The following RAB27B variants were observed in gnomAD, a reference collection of about 807,000 sequenced individuals.
RAB27B encodes the protein RAB27B, member RAS oncogene family, also known as ras-related protein Rab-27B.
A neutral mutation model predicts 24.6 loss-of-function variants in RAB27B; 15 were observed. The ratio of observed to expected loss-of-function variants is 0.61; its 90% CI spans 0.41 to 0.94. RAB27B has a LOEUF of 0.94. RAB27B is among the 40% of genes least tolerant of loss of function. The pLI is 0.00. For missense variants in RAB27B, 261 were observed against 266.8 expected (o/e 0.98, Z 0.15); for synonymous variants, 105 against 92.5 (o/e 1.14, Z -0.78).
intron 2 of RAB27B, among the ~76,000 whole-genome samples, chr18:54,764,403 C>A (rs539847074): frequency 2.0e-5 from 3 of 152,282 alleles, no homozygotes; most frequent in Non-Finnish European, 4.4e-5. Context: ...AAAGTCTTAG[C>A]CATACTCCAT....
At chr18:54,787,559 A>T (rs1379804633) in intron 2 of RAB27B, among the ~76,000 whole-genome samples, 1 of 152,090 alleles carries the variant, frequency 6.6e-6, no homozygotes, top group Non-Finnish European at 1.5e-5. Context: ...AGAAAATTTG[A>T]CTTCTCAGCC....
intron 1 of RAB27B, among the ~76,000 whole-genome samples, chr18:54,863,700 C>T (rs142143333): frequency 1.6e-4 from 25 of 152,246 alleles, no homozygotes; most frequent in South Asian, 1.0e-3. Flanking sequence ...CTGGCAAAAG[C>T]GCCTATACAC....
intron 2 of RAB27B, among the ~76,000 whole-genome samples, chr18:54,754,791 C>T (rs1391569480): frequency 6.6e-6 from 1 of 152,174 alleles, no homozygotes; most frequent in Non-Finnish European, 1.5e-5. Context: ...AGTATTGGGA[C>T]ATCTGGACTT....
In RAB27B at chr18:54,874,708, A is replaced by T. The variant is rs189921625; in HGVS notation, c.-19-2859A>T. Among the ~76,000 whole-genome samples, 64 of 152,366 alleles carry T rather than the reference A, an allele frequency of 4.2e-4. No individual in the cohort carries two copies. In the East Asian group the frequency reaches 0.012, roughly 28 times the overall value. ...CCCCACTGCAAAAACTGCTAAAAAA[A>T]TTAAGGCTTTTGCCTAGGGAAGAAT... On this transcript the variant is annotated intron_variant, in intron 1 of 5. Transcript: ENST00000262094.
At position 54,728,064 on chromosome 18, in the gene RAB27B, G is replaced by A. The variant is rs199552286; in HGVS notation, c.-20+9923G>A. On this transcript the variant is annotated intron_variant, in intron 2 of 4. Coordinates refer to the RAB27B transcript ENST00000586570. ...CTTACACGAAAGCCAGAAATAGAGGGGAGACTGAGCAGTACATTTCCTGGG... is the reference window on the plus strand; with the variant it reads ...CTTACACGAAAGCCAGAAATAGAGGAGAGACTGAGCAGTACATTTCCTGGG... 6.6e-5 allele frequency among the ~76,000 whole-genome samples: 10 copies of A among 152,270 alleles called. No individual in the cohort carries two copies. The East Asian group carries it at 1.2e-3, about 18-fold the overall frequency.
At position 54,893,287 on chromosome 18, in the gene RAB27B, G is replaced by T. The variant is rs1913442109; in HGVS notation, c.*3874G>T. ...GTATAATCTAAAACTCAACAATAAAGAAATAATATTCCAAGTCTCTGGTTT... is the reference window on the plus strand; with the variant it reads ...GTATAATCTAAAACTCAACAATAAATAAATAATATTCCAAGTCTCTGGTTT... On this transcript the variant is annotated 3_prime_UTR_variant, in exon 6 of 6. Transcript: ENST00000262094. The T allele has an allele frequency of 6.6e-6, 1 of 151,894 alleles. No individual in the cohort carries two copies. The highest frequency in any genetic ancestry group is 1.5e-5 in the Non-Finnish European group (1 of 67,906). The allele number at this position is 151,894 out of a possible 1,614,324, so 9.4% of individuals were successfully genotyped here.
intron 2 of RAB27B, among the ~76,000 whole-genome samples, chr18:54,736,174 AC>A (rs1488914849): frequency 1.3e-5 from 2 of 152,180 alleles, no homozygotes; most frequent in Non-Finnish European, 2.9e-5. Flanking sequence ...AGGTAAGGCA[AC>A]CGCAGTATCT....
At chr18:54,742,308 G>A (rs537267095) in intron 2 of RAB27B, among the ~76,000 whole-genome samples, 8 of 152,272 alleles carry the variant, frequency 5.3e-5, no homozygotes, top group African/African-American at 1.7e-4. Context: ...AGTCATTATC[G>A]TACATGCGGT....
At chr18:54,728,889 A>AAAC (rs1568044178) in intron 2 of RAB27B, among the ~76,000 whole-genome samples, 2 of 102,198 alleles carry the variant, frequency 2.0e-5, no homozygotes, top group African/African-American at 6.9e-5. Context: ...AAAAAAAAAA[A>AAAC]AAAAAAAAAA....
chr18:54,760,703 A>G (rs951484625), intron 2 of RAB27B, among the ~76,000 whole-genome samples: 11 of 152,146 alleles, frequency 7.2e-5, no homozygotes, highest in Non-Finnish European at 1.6e-4. Flanking sequence ...GTGAGATTCA[A>G]ACCAGATCAT....
rs573888738 is a variant in RAB27B at position 54,869,769 on chromosome 18, A to C, written c.-19-7798A>C. ...CCACAAATAGGTTCAAATATATAGAATTAGAAATGTCAAGTAGGAAATAAG... is the reference window on the plus strand; with the variant it reads ...CCACAAATAGGTTCAAATATATAGACTTAGAAATGTCAAGTAGGAAATAAG... On this transcript the variant is annotated intron_variant, in intron 1 of 5. Coordinates refer to ENST00000262094, the MANE Select transcript of RAB27B (RefSeq NM_004163.4). Among the ~76,000 whole-genome samples the C allele has an allele frequency of 3.9e-5, 6 of 152,362 alleles. No individual in the cohort carries two copies. In the East Asian group the frequency reaches 7.7e-4, roughly 20 times the overall value.
intron 2 of RAB27B, among the ~76,000 whole-genome samples, chr18:54,803,248 C>T (rs1909666058): frequency 6.6e-6 from 1 of 152,066 alleles, no homozygotes; most frequent in South Asian, 2.1e-4. Flanking sequence ...AGTAGGAAGT[C>T]CTCCTAAGAG....
intron 2 of RAB27B, among the ~76,000 whole-genome samples, chr18:54,743,395 T>G (rs986958389): frequency 6.6e-5 from 10 of 152,140 alleles, no homozygotes; most frequent in Non-Finnish European, 1.2e-4. Context: ...GACAGTACAA[T>G]GCAAATATGG....
At chr18:54,819,071 C>A (rs1478841349) in intron 2 of RAB27B, among the ~76,000 whole-genome samples, 1 of 150,932 alleles carries the variant, frequency 6.6e-6, no homozygotes, top group African/African-American at 2.4e-5. Context: ...GGCAGCAATA[C>A]ATATTTCAGA....
intron 1 of RAB27B, among the ~76,000 whole-genome samples, chr18:54,873,953 G>A (rs991310995): frequency 3.9e-5 from 6 of 152,148 alleles, no homozygotes; most frequent in African/African-American, 1.4e-4. Flanking sequence ...GAAGTGTCCA[G>A]CACCCTTCAC....
At chr18:54,761,176 A>G (rs1019121367) in intron 2 of RAB27B, among the ~76,000 whole-genome samples, 5 of 152,160 alleles carry the variant, frequency 3.3e-5, no homozygotes, top group African/African-American at 1.2e-4. Context: ...TCAGAAGTTC[A>G]TACTGAGCCC....
intron 2 of RAB27B, among the ~76,000 whole-genome samples, chr18:54,764,353 G>T (rs950248170): frequency 1.3e-5 from 2 of 152,104 alleles, no homozygotes; most frequent in African/African-American, 2.4e-5. Flanking sequence ...ATTCAATTCT[G>T]TATCTCCTGA....
chr18:54,858,807 C>T (rs1405202327), intron 1 of RAB27B, among the ~76,000 whole-genome samples: 3 of 152,042 alleles, frequency 2.0e-5, no homozygotes, highest in East Asian at 3.9e-4. Context: ...TTAGCAGAAA[C>T]GAGTTAGGAA....
At chr18:54,799,470 TTAAA>T (rs1227306214) in intron 2 of RAB27B, among the ~76,000 whole-genome samples, 1 of 152,132 alleles carries the variant, frequency 6.6e-6, no homozygotes, top group Non-Finnish European at 1.5e-5. Context: ...TTTTATAAAT[TTAAA>T]TATATATGTT....
Sources: gnomAD v4.1 joint callset for allele counts (sites outside exome capture counted in the v4.1 genomes callset) on GRCh38, gnomAD v4.1.1 for gene constraint, MANE v1.5 for transcripts, NCBI Gene and HGNC (gene_info 2026-07-23, HGNC 2026-07-21) for gene names.